Variants in ILRUN observed in about 807,000 individuals in gnomAD.
ILRUN encodes the protein protein ILRUN.
ILRUN carries 3 observed loss-of-function variants against 33.8 expected under a neutral mutation model. That is an observed-to-expected ratio of 0.09 (90% CI 0.04 to 0.23). The LOEUF is 0.23. Ranked by LOEUF, ILRUN falls within the 10% of genes least tolerant of loss-of-function variation. The probability of loss-of-function intolerance (pLI) is 1.00; values close to 1 mark genes in which losing one functional copy is unlikely to be tolerated. For missense variants in ILRUN, 210 were observed against 375.1 expected (o/e 0.56, Z 3.64); for synonymous variants, 124 against 138.9 (o/e 0.89, Z 0.75).
At chr6:34,637,864 C>CTGCTGCTGTTGT (rs749114775) in intron 3 of ILRUN, among the ~76,000 whole-genome samples, 11,069 of 141,864 alleles carry the variant, frequency 0.078, 710 homozygotes, top group African/African-American at 0.16. Flanking sequence ...GCTGCTGCTG[C>CTGCTGCTGTTGT]TGTTGTTGTT....
intron 1 of ILRUN, among the ~76,000 whole-genome samples, chr6:34,692,568 A>C (rs563177949): frequency 1.3e-5 from 2 of 152,312 alleles, no homozygotes; most frequent in African/African-American, 4.8e-5. Flanking sequence ...ACTGTGATTA[A>C]GTATGCATGC....
intron 1 of ILRUN, among the ~76,000 whole-genome samples, chr6:34,681,356 CT>C (rs1200108173): frequency 4.6e-5 from 7 of 152,220 alleles, no homozygotes; most frequent in Admixed American, 3.3e-4. Flanking sequence ...ACTGCCCCCC[CT>C]CCCAAGACAA....
intron 1 of ILRUN, among the ~76,000 whole-genome samples, chr6:34,672,254 T>C (rs1454300009): frequency 6.6e-6 from 1 of 152,010 alleles, no homozygotes; most frequent in Non-Finnish European, 1.5e-5. Flanking sequence ...CCACCACACA[T>C]GGCTAATTTT....
At chr6:34,606,469 A>T in intron 4 of ILRUN, 86 bp downstream of exon 4, 1 of 1,060,492 alleles carries the variant, frequency 9.4e-7, no homozygotes, top group Non-Finnish European at 1.4e-6. Context: ...GGGGAGCGGC[A>T]GTCTAGGATT....
In ILRUN at chr6:34,636,931, A is replaced by C. The variant is rs181850746; in HGVS notation, c.511+9670T>G. On this transcript the variant is annotated intron_variant, in intron 3 of 4. Transcript: ENST00000374023. The stretch of plus-strand genomic sequence containing the variant: ...AAATGGTTTCAGCATATATGTCAAC[A>C]TATTTTTCTTTTGTAAAGAGAAAAC... Among the ~76,000 whole-genome samples, 19 of 152,306 alleles carry C rather than the reference A, an allele frequency of 1.2e-4. No individual in the cohort carries two copies. In the Middle Eastern group the frequency reaches 0.014, roughly 109 times the overall value.
intron 3 of ILRUN, among the ~76,000 whole-genome samples, chr6:34,636,141 G>A (rs924376242): frequency 6.6e-6 from 1 of 152,164 alleles, no homozygotes; most frequent in African/African-American, 2.4e-5. Flanking sequence ...CCAGCTACTT[G>A]TGAGACTGAG....
intron 2 of ILRUN, among the ~76,000 whole-genome samples, chr6:34,648,297 T>A (rs2127360976): frequency 6.6e-6 from 1 of 152,286 alleles, no homozygotes; most frequent in East Asian, 1.9e-4. Context: ...ACCAGTACTC[T>A]AAGATGCCTC....
At chr6:34,619,141 AATT>A (rs1761959011) in intron 3 of ILRUN, among the ~76,000 whole-genome samples, 1 of 152,182 alleles carries the variant, frequency 6.6e-6, no homozygotes, top group Admixed American at 6.6e-5. Context: ...AGGTGGAGAC[AATT>A]ATTATTGGTA....
chr6:34,606,528 C>A lies in ILRUN; in HGVS notation c.861+27G>T, dbSNP rs117366766. ...CACAAGTCCCAAGGCCCACCACCTA[C>A]CCCTTCTCTTCTCCAAGGGCACCTA... On this transcript the variant is annotated intron_variant, in intron 4 of 4. Coordinates refer to ENST00000374023, the MANE Select transcript of ILRUN (RefSeq NM_024294.4). 1.2e-3 allele frequency: 1,931 copies of A among 1,584,756 alleles called. 35 individuals are homozygous for A. The East Asian group carries it at 0.025, about 20-fold the overall frequency.
intron 2 of ILRUN, among the ~76,000 whole-genome samples, chr6:34,649,610 A>C (rs1454768103): frequency 6.6e-6 from 1 of 152,248 alleles, no homozygotes; most frequent in African/African-American, 2.4e-5. Flanking sequence ...CACAAAAATC[A>C]AAAGTCCAAC....
At chr6:34,683,481 T>TA (rs1763439257) in intron 1 of ILRUN, among the ~76,000 whole-genome samples, 1 of 108,584 alleles carries the variant, frequency 9.2e-6, no homozygotes, top group African/African-American at 4.7e-5. Flanking sequence ...TACACATATA[T>TA]ATATACATAT....
chr6:34,673,200 G>A (rs1437880130), intron 1 of ILRUN, among the ~76,000 whole-genome samples: 1 of 152,012 alleles, frequency 6.6e-6, no homozygotes, highest in Non-Finnish European at 1.5e-5. Flanking sequence ...GCACTTTCAG[G>A]AAGCTTAAAA....
At chr6:34,632,269 C>T (rs939166565) in intron 3 of ILRUN, among the ~76,000 whole-genome samples, 2 of 151,870 alleles carry the variant, frequency 1.3e-5, no homozygotes, top group Non-Finnish European at 2.9e-5. Context: ...GGAGAAACCC[C>T]GTCTCTACTC....
intron 3 of ILRUN, among the ~76,000 whole-genome samples, chr6:34,618,055 C>A (rs573487134): frequency 1.6e-4 from 24 of 152,296 alleles, no homozygotes; most frequent in African/African-American, 5.8e-4. Flanking sequence ...ATCATTTAAT[C>A]ACTTATTTCT....
At chr6:34,603,374 C>G (rs575446297) in intron 4 of ILRUN, among the ~76,000 whole-genome samples, 3 of 152,126 alleles carry the variant, frequency 2.0e-5, no homozygotes, top group African/African-American at 7.2e-5. Flanking sequence ...TTTACTCACG[C>G]CTGTAATCCC....
intron 3 of ILRUN, among the ~76,000 whole-genome samples, chr6:34,640,265 G>A (rs1032008202): frequency 4.6e-5 from 7 of 151,914 alleles, no homozygotes; most frequent in Non-Finnish European, 5.9e-5. Context: ...ACCACATGCC[G>A]AAAGCACGCC....
intron 1 of ILRUN, among the ~76,000 whole-genome samples, chr6:34,659,288 ACTGACATGTTTC>A (rs1762840406): frequency 6.6e-6 from 1 of 152,234 alleles, no homozygotes; most frequent in African/African-American, 2.4e-5. Flanking sequence ...ATTTGGTAAC[ACTGACATGTTTC>A]CTGATAAAAT....
chr6:34,608,911 C>T (rs1384314840), intron 3 of ILRUN, among the ~76,000 whole-genome samples: 3 of 152,160 alleles, frequency 2.0e-5, no homozygotes, highest in Middle Eastern at 3.2e-3. Flanking sequence ...AACAGTGACA[C>T]GTACATTCCT....
At chr6:34,655,815 C>A (rs943854605) in intron 1 of ILRUN, among the ~76,000 whole-genome samples, 1 of 151,974 alleles carries the variant, frequency 6.6e-6, no homozygotes, top group Non-Finnish European at 1.5e-5. Context: ...AAGAGTACGC[C>A]TATTTTCCCC....
Sources: gnomAD v4.1 joint callset for allele counts (sites outside exome capture counted in the v4.1 genomes callset) on GRCh38, gnomAD v4.1.1 for gene constraint, MANE v1.5 for transcripts, NCBI Gene and HGNC (gene_info 2026-07-23, HGNC 2026-07-21) for gene names.